Variants in TRIM2 observed in about 807,000 individuals in gnomAD.
TRIM2 encodes the protein tripartite motif containing 2.
TRIM2 carries 20 observed loss-of-function variants against 75.2 expected under a neutral mutation model. The ratio of observed to expected loss-of-function variants is 0.27; its 90% CI spans 0.19 to 0.39. The LOEUF (loss-of-function observed/expected upper bound fraction) is 0.39, where lower values mean the gene tolerates loss of function less well. TRIM2 is among the 10% of genes least tolerant of loss of function. The probability of loss-of-function intolerance (pLI) is 1.00; values close to 1 mark genes in which losing one functional copy is unlikely to be tolerated. For missense variants in TRIM2, 660 were observed against 990.8 expected (o/e 0.67, Z 4.48); for synonymous variants, 373 against 388.3 (o/e 0.96, Z 0.46).
At chr4:153,332,525 A>C (rs752927136) in intron 11 of TRIM2, among the ~76,000 whole-genome samples, 8 of 152,210 alleles carry the variant, frequency 5.3e-5, no homozygotes, top group Non-Finnish European at 1.2e-4. Context: ...TGTGCCTGTA[A>C]TCCCAGCTAC....
rs1259239193 is a variant in TRIM2 at position 153,295,868 on chromosome 4, G to C, written c.1342G>C (p.Val448Leu). The C allele has an allele frequency of 1.2e-6, 2 of 1,614,068 alleles. No individual in the cohort carries two copies. The highest frequency in any genetic ancestry group is 1.7e-6 in the Non-Finnish European group (2 of 1,179,994). ...HIRGSPFKLK[V>L]IRSADVSPTT... ...CCGAGGCAGCCCGTTTAAGCTGAAA[G>C]TGATCCGATCCGCTGATGTGTCTCC... is the stretch of plus-strand genomic sequence containing the variant. Residue 448 changes from valine to leucine, a missense_variant, in exon 6 of 12, where the codon GTG becomes CTG. Around this residue, in one of 2 missense-constraint regions of TRIM2, gnomAD observed 620 missense variants for 891.0 expected, o/e 0.70. Coordinates refer to ENST00000338700, the MANE Select transcript of TRIM2 (RefSeq NM_015271.5). The surrounding 1 kb of genome is among the most constrained non-coding windows in gnomAD (Gnocchi z 7.2).
At chr4:153,330,760 C>T (rs554724820) in intron 11 of TRIM2, among the ~76,000 whole-genome samples, 1 of 152,306 alleles carries the variant, frequency 6.6e-6, no homozygotes, top group Non-Finnish European at 1.5e-5. Context: ...CACCATACTT[C>T]ATAGTAAAAG....
upstream of TRIM2, among the ~76,000 whole-genome samples, chr4:153,203,984 T>C (rs185164880): frequency 1.3e-5 from 2 of 152,240 alleles, no homozygotes; most frequent in East Asian, 3.8e-4. Context: ...CCTGATCAGA[T>C]AGTATATTCA....
At chr4:153,300,415 G>GA (rs1253370608) in intron 6 of TRIM2, among the ~76,000 whole-genome samples, 1 of 152,072 alleles carries the variant, frequency 6.6e-6, no homozygotes, top group Non-Finnish European at 1.5e-5. Context: ...AAGTAGCTGG[G>GA]ACCACAGATA....
intron 1 of TRIM2, among the ~76,000 whole-genome samples, chr4:153,174,981 TTTGTTG>T (rs946997243): frequency 1.4e-5 from 2 of 145,768 alleles, no homozygotes; most frequent in Non-Finnish European, 3.0e-5. Context: ...TGGTGCAGTT[TTTGTTG>T]TTGTTGTTGT....
At chr4:153,185,479 G>A (rs1732506350) in intron 1 of TRIM2, among the ~76,000 whole-genome samples, 1 of 152,070 alleles carries the variant, frequency 6.6e-6, no homozygotes. Flanking sequence ...TCGGTGTGAT[G>A]AGTGGATCTT....
intron 1 of TRIM2, among the ~76,000 whole-genome samples, chr4:153,256,411 GT>G (rs1382449507): frequency 2.0e-5 from 3 of 152,184 alleles, no homozygotes; most frequent in Admixed American, 6.5e-5. Context: ...CAGATGCCCA[GT>G]TTTTTAAAAT....
At chr4:153,244,433 T>C (rs1408831375) in intron 1 of TRIM2, among the ~76,000 whole-genome samples, 2 of 118,808 alleles carry the variant, frequency 1.7e-5, no homozygotes, top group African/African-American at 7.8e-5. Flanking sequence ...CTTCTTCTTC[T>C]TCTTTTAATT....
intron 1 of TRIM2, among the ~76,000 whole-genome samples, chr4:153,221,855 GAA>G (rs1740260678): frequency 1.5e-5 from 2 of 132,638 alleles, no homozygotes; most frequent in African/African-American, 2.8e-5. Context: ...CGCGAGGAAA[GAA>G]GAGAGAGAGG....
chr4:153,168,728 T>C (rs1019324264), intron 1 of TRIM2, among the ~76,000 whole-genome samples: 4 of 152,066 alleles, frequency 2.6e-5, no homozygotes, highest in South Asian at 2.1e-4. Context: ...GGCTTAAAGA[T>C]ATAAAATAGT....
intron 1 of TRIM2, among the ~76,000 whole-genome samples, chr4:153,219,030 G>A (rs982688584): frequency 6.6e-6 from 1 of 152,000 alleles, no homozygotes; most frequent in African/African-American, 2.4e-5. Flanking sequence ...AGTTAATTGT[G>A]TTTATCTTAA....
intron 1 of TRIM2, among the ~76,000 whole-genome samples, chr4:153,175,558 T>C (rs953803565): frequency 5.9e-5 from 9 of 151,274 alleles, no homozygotes; most frequent in African/African-American, 1.7e-4. Context: ...CTGGGTGGAG[T>C]TGAATAGCAG....
chr4:153,282,738 G>A (rs1012658322), intron 3 of TRIM2, among the ~76,000 whole-genome samples: 6 of 151,280 alleles, frequency 4.0e-5, no homozygotes, highest in Admixed American at 6.6e-5. Flanking sequence ...TTAAGGCACC[G>A]AGCCTGGCCT....
In TRIM2 at chr4:153,249,578, TCCGCCTCGGCCACCTCCCTGCTC is replaced by T. The variant is rs376790745; in HGVS notation, c.31-20728_31-20706del. ...AGAGGCAGGCATTATTAGCAGCGCG[TCCGCCTCGGCCACCTCCCTGCTC>T]CCGCCTCGGCCACCTCCCTGCTCCC... On this transcript the variant is annotated intron_variant, in intron 1 of 11. Transcript: ENST00000338700. 9.4e-3 allele frequency among the ~76,000 whole-genome samples: 1,436 copies of T among 152,068 alleles called. 19 individuals are homozygous for T. Among genetic ancestry groups the T allele is most frequent in the African/African-American group, 0.029 (1,192 of 41,524 alleles).
At chr4:153,205,372 G>T (rs1297126915) in intron 1 of TRIM2, among the ~76,000 whole-genome samples, 1 of 152,176 alleles carries the variant, frequency 6.6e-6, no homozygotes, top group Non-Finnish European at 1.5e-5. Flanking sequence ...CCCATTCGGT[G>T]CTCAGTGAGG....
rs186327855 is a variant in TRIM2, at chr4:153,192,121, T to C, written c.-49+38851T>C. Among the ~76,000 whole-genome samples, 5 of 152,238 alleles carry C rather than the reference T, an allele frequency of 3.3e-5. No homozygotes were observed. The East Asian group carries it at 9.6e-4, about 29-fold the overall frequency. On this transcript the variant is annotated intron_variant, in intron 1 of 11. Coordinates refer to the TRIM2 transcript ENST00000437508. ...GAAACCCCAGAGCAACAAAGACAAT[T>C]CCTCACCCCACACCCTTCCCCAGGC...
chr4:153,238,930 T>G (rs532184387), intron 1 of TRIM2, among the ~76,000 whole-genome samples: 15 of 152,190 alleles, frequency 9.9e-5, no homozygotes, highest in Non-Finnish European at 2.1e-4. Context: ...AATCATATGT[T>G]GAAGGCTTAA....
At chr4:153,244,423 CT>C (rs752840511) in intron 1 of TRIM2, among the ~76,000 whole-genome samples, 1 of 100,906 alleles carries the variant, frequency 9.9e-6, no homozygotes, top group Non-Finnish European at 2.0e-5. Context: ...TCTTCTTCTT[CT>C]TCTTCTTCTT....
At chr4:153,240,167 C>G (rs183117804) in intron 1 of TRIM2, among the ~76,000 whole-genome samples, 1 of 152,210 alleles carries the variant, frequency 6.6e-6, no homozygotes, top group Admixed American at 6.5e-5. Flanking sequence ...TAAGTAGGAT[C>G]CCTAATAAAG....
Sources: gnomAD v4.1 joint callset for allele counts (sites outside exome capture counted in the v4.1 genomes callset) on GRCh38, gnomAD v4.1.1 for gene constraint, gnomAD v4.1.1 regional missense constraint, Gnocchi (gnomAD v3.1) non-coding constraint, MANE v1.5 for transcripts, NCBI Gene and HGNC (gene_info 2026-07-23, HGNC 2026-07-21) for gene names.